The following COL19A1 variants were observed in gnomAD, a reference collection of about 807,000 sequenced individuals.
COL19A1 encodes collagen type XIX alpha 1 chain.
In COL19A1, 159 loss-of-function variants were observed where a neutral mutation model predicts 190.2. The observed-to-expected ratio is 0.84, with a 90% CI of 0.73 to 0.95. The LOEUF is 0.95. Among genes scored for constraint, COL19A1 ranks in the 40% least tolerant of loss-of-function variants. The pLI is 0.00. For synonymous variants in COL19A1, 509 were observed against 458.9 expected (o/e 1.11, Z -1.39); for missense variants, 1,418 against 1,431.9 (o/e 0.99, Z 0.16).
intron 13 of COL19A1, among the ~76,000 whole-genome samples, chr6:70,035,461 G>A (rs1044176685): frequency 1.3e-5 from 2 of 152,196 alleles, no homozygotes; most frequent in African/African-American, 4.8e-5. Context: ...AAGAGGCCAT[G>A]GGACTGCTTC....
intron 14 of COL19A1, among the ~76,000 whole-genome samples, chr6:70,063,544 T>G (rs1780976567): frequency 6.6e-6 from 1 of 151,836 alleles, no homozygotes; most frequent in African/African-American, 2.4e-5. Flanking sequence ...GATCTAAAAT[T>G]GACACCCCAA....
chr6:69,914,314 C>G (rs992449083), intron 4 of COL19A1, among the ~76,000 whole-genome samples: 1 of 152,182 alleles, frequency 6.6e-6, no homozygotes, highest in Non-Finnish European at 1.5e-5. Context: ...GACAAACCCT[C>G]TAGGCCCTGC....
chr6:69,969,923 A>T (rs1346786396), intron 11 of COL19A1, among the ~76,000 whole-genome samples: 2 of 152,158 alleles, frequency 1.3e-5, no homozygotes, highest in Non-Finnish European at 2.9e-5. Flanking sequence ...GAAGGCAGGG[A>T]TCCAAAAAGA....
chr6:69,909,098 A>G (rs1334821608), intron 4 of COL19A1, among the ~76,000 whole-genome samples: 1 of 152,182 alleles, frequency 6.6e-6, no homozygotes, highest in Admixed American at 6.5e-5. Context: ...CAATTAAATT[A>G]CCCAAAAAAG....
chr6:70,019,108 G>A (rs965277468), intron 11 of COL19A1, among the ~76,000 whole-genome samples: 1 of 152,110 alleles, frequency 6.6e-6, no homozygotes, highest in African/African-American at 2.4e-5. Flanking sequence ...AGATGAAATT[G>A]AACCAGTTTA....
intron 48 of COL19A1, among the ~76,000 whole-genome samples, chr6:70,196,523 T>A (rs774309328): frequency 1.1e-4 from 16 of 152,252 alleles, no homozygotes; most frequent in Non-Finnish European, 1.9e-4. Flanking sequence ...AAATTTTGTC[T>A]GTGAAATAGA....
At chr6:70,109,955 C>A (rs944938143) in intron 16 of COL19A1, among the ~76,000 whole-genome samples, 1 of 152,198 alleles carries the variant, frequency 6.6e-6, no homozygotes, top group Non-Finnish European at 1.5e-5. Flanking sequence ...TAAGTGCCTT[C>A]CGGCACTTGT....
intron 22 of COL19A1, 28 bp downstream of exon 22, chr6:70,142,104 G>C: frequency 6.3e-7 from 1 of 1,593,656 alleles, no homozygotes; most frequent in Non-Finnish European, 8.6e-7. Context: ...AAGATTTCTT[G>C]GGAAATAATT....
chr6:70,086,208 C>T (rs201075064), intron 15 of COL19A1, among the ~76,000 whole-genome samples: 1 of 151,946 alleles, frequency 6.6e-6, no homozygotes, highest in African/African-American at 2.4e-5. Context: ...GAAATGTTAC[C>T]TATCCACAAC....
At chr6:70,025,883 G>T (rs887007590) in intron 12 of COL19A1, among the ~76,000 whole-genome samples, 1 of 152,172 alleles carries the variant, frequency 6.6e-6, no homozygotes, top group Non-Finnish European at 1.5e-5. Flanking sequence ...AAATACATAT[G>T]ATTTGGCACT....
At position 70,151,440 on chromosome 6, in the gene COL19A1, T is replaced by C. The variant is rs748548202; in HGVS notation, c.2079+2T>C. 1.2e-6 allele frequency: 2 copies of C among 1,612,558 alleles called. No individual in the cohort carries two copies. The highest frequency in any genetic ancestry group is 1.7e-6 in the Non-Finnish European group (2 of 1,178,960). The stretch of plus-strand genomic sequence containing the variant: ...GGAGACATCGGTGCTTTGCTCAAGG[T>C]ACTCTATTGCTATGTAAGAAATTAT... On this transcript the variant is annotated splice_donor_variant, in intron 31 of 50. Transcript: ENST00000620364. LOFTEE classifies it high-confidence loss of function.
At chr6:70,081,933 G>C (rs527590305) in intron 15 of COL19A1, among the ~76,000 whole-genome samples, 1 of 151,964 alleles carries the variant, frequency 6.6e-6, no homozygotes, top group South Asian at 2.1e-4. Context: ...GTTTTTTAAT[G>C]GTAGGAAAAA....
intron 7 of COL19A1, among the ~76,000 whole-genome samples, chr6:69,935,764 G>T (rs1231535385): frequency 6.6e-6 from 1 of 151,694 alleles, no homozygotes. Context: ...ACATTTGCAG[G>T]ATGTGCAGGT....
At chr6:69,955,661 A>G (rs897947366) in intron 9 of COL19A1, among the ~76,000 whole-genome samples, 2 of 151,754 alleles carry the variant, frequency 1.3e-5, no homozygotes, top group Non-Finnish European at 2.9e-5. Flanking sequence ...TGAGAGCCAC[A>G]TTTTAAAAGA....
chr6:69,932,837 A>G lies in COL19A1; in HGVS notation c.721A>G (p.Thr241Ala). ...CAGTGCAAACCTCATAGCTCAAGAA[A>G]CATGTTGTGAAATATCAGATACTAA... ...YCSANLIAQE[T>A]CCEISDTKCP... The change falls in exon 7 of 51, where the codon ACA becomes GCA. Residue 241 changes from threonine to alanine, a missense_variant. Transcript: ENST00000620364. The G allele has an allele frequency of 6.2e-7, 1 of 1,608,094 alleles. No homozygotes were observed. The highest frequency in any genetic ancestry group is 8.5e-7 in the Non-Finnish European group (1 of 1,176,172).
At chr6:69,957,256 G>A (rs763358802) in intron 9 of COL19A1, among the ~76,000 whole-genome samples, 25 of 152,072 alleles carry the variant, frequency 1.6e-4, no homozygotes, top group Non-Finnish European at 2.8e-4. Flanking sequence ...TTACAAGGAC[G>A]TAAAATTAAA....
At chr6:69,875,379 A>G (rs1188727607) in intron 1 of COL19A1, among the ~76,000 whole-genome samples, 1 of 152,216 alleles carries the variant, frequency 6.6e-6, no homozygotes, top group East Asian at 1.9e-4. Context: ...GCTTGAAGCA[A>G]GGAAGTGACA....
intron 4 of COL19A1, among the ~76,000 whole-genome samples, chr6:69,913,379 A>G (rs1771089964): frequency 6.6e-6 from 1 of 152,200 alleles, no homozygotes; most frequent in African/African-American, 2.4e-5. Flanking sequence ...AGTCCCCTCC[A>G]TTGAATTATT....
chr6:69,922,333 A>T (rs144292225), intron 4 of COL19A1, among the ~76,000 whole-genome samples: 1,631 of 151,516 alleles, frequency 0.011, 34 homozygotes, highest in African/African-American at 0.037. Context: ...ATTTATTTCA[A>T]TGTATATTTT....
Sources: gnomAD v4.1 joint callset for allele counts (sites outside exome capture counted in the v4.1 genomes callset) on GRCh38, gnomAD v4.1.1 for gene constraint, MANE v1.5 for transcripts, NCBI Gene and HGNC (gene_info 2026-07-23, HGNC 2026-07-21) for gene names.